The following LSR variants were observed in gnomAD, a reference collection of about 807,000 sequenced individuals.
LSR encodes the protein lipolysis stimulated lipoprotein receptor, also known as lipolysis-stimulated lipoprotein receptor.
Under a neutral mutation model 61.8 loss-of-function variants are expected in LSR, and 44 were observed. That is an observed-to-expected ratio of 0.71 (90% CI 0.56 to 0.91). LSR has a LOEUF of 0.91. Ranked by LOEUF, LSR falls within the 40% of genes least tolerant of loss-of-function variation. LSR has a pLI of 0.00. For synonymous variants in LSR, 397 were observed against 350.6 expected, an observed-to-expected ratio of 1.13 and a Z score of -1.48; for missense variants, 911 against 830.5, an observed-to-expected ratio of 1.10 and a Z score of -1.19.
chr19:35,254,761 T>C (rs1051613189), intron 2 of LSR, among the ~76,000 whole-genome samples: 17 of 152,276 alleles, frequency 1.1e-4, no homozygotes, highest in Middle Eastern at 3.4e-3. Flanking sequence ...CCGGATGAGA[T>C]CACGGCCAGC....
rs904422446 is a variant in LSR at position 35,267,268 on chromosome 19, G to T, written c.1304G>T (p.Gly435Val). 7.2e-6 allele frequency: 11 copies of T among 1,521,326 alleles called. No homozygotes were observed. The African/African-American group carries it at 1.2e-4, about 17-fold the overall frequency. 94.2% of individuals were successfully genotyped at this position (1,521,326 alleles called of 1,614,324 possible). Residue 435 changes from glycine to valine, a missense_variant, in exon 9 of 10, where the codon GGC becomes GTC. Physicochemically the swap from Gly to Val is moderately radical, Grantham distance 109. Coordinates refer to ENST00000605618, the MANE Select transcript of LSR (RefSeq NM_205834.4). The stretch of plus-strand genomic sequence containing the variant: ...CCCGCCAGGGAGCAGGCAGGCGGGG[G>T]CTGGCGGGCCAGGCGGCCCCGGGCC... ...QEPAREQAGGGWRARRPRARS... is the reference protein window; with the variant it reads ...QEPAREQAGGVWRARRPRARS...
intron 5 of LSR, 51 bp from the exon 6 acceptor site, chr19:35,266,308 C>T: frequency 1.3e-6 from 2 of 1,486,058 alleles, no homozygotes; most frequent in East Asian, 2.3e-5. Context: ...GGGTATGGGG[C>T]AGCCTGGCTC....
chr19:35,265,188 T>C (rs1053791696), intron 5 of LSR, among the ~76,000 whole-genome samples: 1 of 152,166 alleles, frequency 6.6e-6, no homozygotes, highest in Non-Finnish European at 1.5e-5. Flanking sequence ...TTTTGCTCAG[T>C]GAGTAAGTGT....
At chr19:35,255,169 G>T (rs2733747) in intron 2 of LSR, among the ~76,000 whole-genome samples, 1 of 151,982 alleles carries the variant, frequency 6.6e-6, no homozygotes, top group African/African-American at 2.4e-5. Context: ...GAGACCCAGA[G>T]ACTACAAAAA....
At chr19:35,257,152 T>C (rs2065866197) in intron 2 of LSR, among the ~76,000 whole-genome samples, 1 of 152,102 alleles carries the variant, frequency 6.6e-6, no homozygotes, top group Non-Finnish European at 1.5e-5. Flanking sequence ...GGGTGTTCAT[T>C]TCTGCTCCTT....
In LSR at chr19:35,267,507, G is replaced by A; in HGVS notation, c.1543G>A (p.Asp515Asn). The A allele has an allele frequency of 2.5e-6, 4 of 1,611,566 alleles. No homozygotes were observed. The highest frequency in any genetic ancestry group is 3.4e-6 in the Non-Finnish European group (4 of 1,179,698). ...DFRSRERPPADPRSHHHRTRD... is the reference protein window; with the variant it reads ...DFRSRERPPANPRSHHHRTRD... ...CAGGTCTCGGGAGCGCCCTCCTGCC[G>A]ACCCCAGGTCCCACCACCACCGTAC... is the stretch of plus-strand genomic sequence containing the variant. The change falls in exon 9 of 10, where the codon GAC becomes AAC. Residue 515 changes from aspartate (D) to asparagine (N), a missense_variant. Transcript: ENST00000605618.
intron 2 of LSR, among the ~76,000 whole-genome samples, chr19:35,255,277 A>T (rs2065842797): frequency 6.6e-6 from 1 of 152,192 alleles, no homozygotes; most frequent in African/African-American, 2.4e-5. Context: ...CCATGATCGC[A>T]CCACTGCACT....
chr19:35,249,278 G>A, intron 1 of LSR, 147 bp downstream of exon 1: 1 of 985,730 alleles, frequency 1.0e-6, no homozygotes, highest in Non-Finnish European at 1.4e-6. Flanking sequence ...GATCTGTTGC[G>A]CGCGGGAGTG....
At chr19:35,258,513 G>A (rs1474323271) in intron 2 of LSR, among the ~76,000 whole-genome samples, 1 of 151,894 alleles carries the variant, frequency 6.6e-6, no homozygotes, top group Non-Finnish European at 1.5e-5. Context: ...ACTCAGGTGG[G>A]AGGATTGCTT....
At chr19:35,255,448 T>G (rs2065844533) in intron 2 of LSR, among the ~76,000 whole-genome samples, 2 of 150,582 alleles carry the variant, frequency 1.3e-5, no homozygotes, top group East Asian at 4.0e-4. Context: ...CAGCACATAG[T>G]AAGAGCTCAA....
rs2066005101 is a variant in LSR at position 35,266,688 on chromosome 19, A to G, written c.962A>G (p.Gln321Arg). 1 of 1,608,892 alleles carries G rather than the reference A, an allele frequency of 6.2e-7. No individual in the cohort carries two copies. Among genetic ancestry groups the G allele is most frequent in the Non-Finnish European group, 8.5e-7 (1 of 1,178,054 alleles). ...DVDRSSSAGGQGSYVPLLRDT... is the reference protein window; with the variant it reads ...DVDRSSSAGGRGSYVPLLRDT... Reference sequence around the variant, plus strand: ...AGCCACTCTCCCCCAGCTGGTGGCCAAGGCTCCTATGTACCCCTGCTTCGG... The same window carrying G: ...AGCCACTCTCCCCCAGCTGGTGGCCGAGGCTCCTATGTACCCCTGCTTCGG... Residue 321 changes from glutamine (Q) to arginine (R), a missense_variant, in exon 7 of 10, where the codon CAA becomes CGA. Gln to Arg is a conservative substitution (Grantham distance 43). Coordinates refer to ENST00000605618, the MANE Select transcript of LSR (RefSeq NM_205834.4).
At chr19:35,255,600 A>C (rs953933706) in intron 2 of LSR, among the ~76,000 whole-genome samples, 1 of 152,136 alleles carries the variant, frequency 6.6e-6, no homozygotes, top group African/African-American at 2.4e-5. Flanking sequence ...TTAAAAAACA[A>C]CACCAACAAC....
chr19:35,256,541 G>T (rs886585869), intron 2 of LSR, among the ~76,000 whole-genome samples: 2 of 152,222 alleles, frequency 1.3e-5, no homozygotes, highest in African/African-American at 4.8e-5. Flanking sequence ...TCCACAGTTA[G>T]TATTGTTGGG....
intron 8 of LSR, 46 bp downstream of exon 8, chr19:35,267,013 G>C (rs370401570): frequency 6.3e-7 from 1 of 1,581,000 alleles, no homozygotes; most frequent in South Asian, 1.2e-5. Context: ...GTGGGGGGGT[G>C]AAACATGTCT....
rs1282504859 is a variant in LSR at position 35,267,193 on chromosome 19, A to G, written c.1229A>G (p.Glu410Gly). 11 of 1,521,546 alleles carry G rather than the reference A, an allele frequency of 7.2e-6. No homozygotes were observed. Among genetic ancestry groups the G allele is most frequent in the Non-Finnish European group, 9.7e-6 (11 of 1,137,848 alleles). The allele number at this position is 1,521,546 out of a possible 1,614,324, so 94.3% of individuals were successfully genotyped here. A position where few individuals can be genotyped will look rare whatever the true frequency, so the allele number is the denominator to read the frequency against. ...CCTGCCCTCACCCCGATCCGGGATG[A>G]GGAGTGGGGTGGCCACTCCCCCCGG... ...RGPALTPIRDEEWGGHSPRSP... is the reference protein window; with the variant it reads ...RGPALTPIRDGEWGGHSPRSP... The change falls in exon 9 of 10, where the codon GAG (glutamate) becomes GGG (glycine). Residue 410 changes from glutamate (E) to glycine (G), a missense_variant. Glu to Gly is a moderately conservative substitution (Grantham distance 98). Coordinates refer to ENST00000605618, the MANE Select transcript of LSR (RefSeq NM_205834.4).
intron 1 of LSR, among the ~76,000 whole-genome samples, chr19:35,249,961 T>C (rs921672646): frequency 5.9e-5 from 9 of 152,172 alleles, no homozygotes; most frequent in African/African-American, 1.9e-4. Flanking sequence ...GGCATCAACA[T>C]GGCCATCTGG....
Position 35,266,537 on chromosome 19 carries a change from G to A in LSR, c.952+5G>A, listed in dbSNP as rs753269424. The stretch of plus-strand genomic sequence containing the variant: ...ACGTTGACAGGAGTAGCTCAGGTGA[G>A]GCCGGGGGAAGCAGGAACAGCTGGT... On this transcript the variant is annotated splice_donor_5th_base_variant and intron_variant, in intron 6 of 9. Transcript: ENST00000605618. The A allele has an allele frequency of 1.3e-6, 2 of 1,599,624 alleles. No homozygotes were observed. Among genetic ancestry groups the A allele is most frequent in the South Asian group, 2.2e-5 (2 of 89,374 alleles).
At chr19:35,257,300 G>A (rs1472898706) in intron 2 of LSR, among the ~76,000 whole-genome samples, 1 of 152,154 alleles carries the variant, frequency 6.6e-6, no homozygotes, top group African/African-American at 2.4e-5. Context: ...AGTTGGGTGG[G>A]GGAGCCGTGG....
intron 3 of LSR, 48 bp from the exon 4 acceptor site, chr19:35,261,877 C>G: frequency 7.5e-7 from 1 of 1,331,872 alleles, no homozygotes; most frequent in Non-Finnish European, 9.9e-7. Context: ...GTGGCACAGC[C>G]TGGGCTGGCT....
Sources: gnomAD v4.1 joint callset for allele counts (sites outside exome capture counted in the v4.1 genomes callset) on GRCh38, gnomAD v4.1.1 for gene constraint, MANE v1.5 for transcripts, NCBI Gene and HGNC (gene_info 2026-07-23, HGNC 2026-07-21) for gene names.